The following NAA60 variants were observed in gnomAD, a reference collection of about 807,000 sequenced individuals.
The protein encoded by NAA60 is N-alpha-acetyltransferase 60.
In NAA60, 8 loss-of-function variants were observed where a neutral mutation model predicts 26.1. The observed-to-expected ratio is 0.31, with a 90% CI of 0.18 to 0.55. NAA60 has a LOEUF of 0.55. Ranked by LOEUF, NAA60 falls within the 20% of genes least tolerant of loss-of-function variation. NAA60 has a pLI of 0.93. For missense variants in NAA60, 290 were observed against 311.3 expected, an observed-to-expected ratio of 0.93 and a Z score of 0.51; for synonymous variants, 131 against 122.5, an observed-to-expected ratio of 1.07 and a Z score of -0.46.
intron 1 of NAA60, chr16:3,447,639 C>T (rs964909770): frequency 1.6e-5 from 16 of 985,210 alleles, no homozygotes; most frequent in Non-Finnish European, 1.9e-5. Context: ...GATTATCTTT[C>T]TCCCAACTTC....
At chr16:3,457,712 G>C (rs988053005) in intron 2 of NAA60, among the ~76,000 whole-genome samples, 2 of 152,138 alleles carry the variant, frequency 1.3e-5, no homozygotes, top group East Asian at 1.9e-4. Context: ...GGGCCTGTGC[G>C]GGGGGGCCAC....
intron 2 of NAA60, chr16:3,448,937 G>A (rs2034661786): frequency 6.1e-6 from 1 of 164,696 alleles, no homozygotes; most frequent in African/African-American, 2.4e-5. Context: ...CCACGTGGTG[G>A]TCATCCTGTG....
intron 2 of NAA60, among the ~76,000 whole-genome samples, chr16:3,471,812 G>A (rs752123133): frequency 1.6e-4 from 25 of 152,316 alleles, no homozygotes; most frequent in Non-Finnish European, 2.8e-4. Flanking sequence ...GGGTGGCCAG[G>A]TGGGCAGCCT....
At chr16:3,472,691 C>G (rs1011227001) in intron 2 of NAA60, among the ~76,000 whole-genome samples, 7 of 152,188 alleles carry the variant, frequency 4.6e-5, no homozygotes, top group Non-Finnish European at 8.8e-5. Context: ...CCTTGGCCTC[C>G]CAAAGTGCTG....
intron 2 of NAA60, among the ~76,000 whole-genome samples, chr16:3,451,483 C>G (rs1457036208): frequency 6.6e-6 from 1 of 152,000 alleles, no homozygotes; most frequent in Admixed American, 6.6e-5. Flanking sequence ...AAACCAAAAC[C>G]AAAATATGTT....
chr16:3,446,306 C>A (rs1471834936), intron 1 of NAA60, among the ~76,000 whole-genome samples: 2 of 152,032 alleles, frequency 1.3e-5, no homozygotes, highest in Non-Finnish European at 2.9e-5. Flanking sequence ...CTGAGGTGGG[C>A]AGATCACAAG....
intron 2 of NAA60, among the ~76,000 whole-genome samples, chr16:3,463,804 G>A (rs537667465): frequency 9.9e-5 from 15 of 152,200 alleles, no homozygotes; most frequent in Admixed American, 6.5e-4. Flanking sequence ...CCTAAAGTTC[G>A]AGACCAGCTT....
At chr16:3,485,315 G>T in intron 7 of NAA60, 152 bp from the exon 8 acceptor site, 1 of 517,762 alleles carries the variant, frequency 1.9e-6, no homozygotes, top group South Asian at 1.5e-5. Context: ...ACCGAGAGGC[G>T]CCTAGTGGCT....
At chr16:3,467,306 C>G (rs1285539973) in intron 2 of NAA60, among the ~76,000 whole-genome samples, 5 of 151,258 alleles carry the variant, frequency 3.3e-5, no homozygotes, top group Admixed American at 6.6e-5. Flanking sequence ...CAGGTAGGGA[C>G]TGGCAGGGAG....
At chr16:3,446,347 CGAT>C (rs2150940746) in intron 1 of NAA60, among the ~76,000 whole-genome samples, 1 of 151,952 alleles carries the variant, frequency 6.6e-6, no homozygotes, top group South Asian at 2.1e-4. Flanking sequence ...CTGGCTAACA[CGAT>C]GAAACCCCAT....
At chr16:3,473,379 G>C (rs1360662778) in intron 2 of NAA60, among the ~76,000 whole-genome samples, 2 of 152,156 alleles carry the variant, frequency 1.3e-5, no homozygotes, top group African/African-American at 4.8e-5. Flanking sequence ...ATGGTGGCAG[G>C]CAAGAGAGAA....
intron 2 of NAA60, among the ~76,000 whole-genome samples, chr16:3,470,515 C>T (rs1635394): frequency 0.69 from 105,188 of 152,164 alleles, 38,094 homozygotes; most frequent in African/African-American, 0.9. Context: ...ACCAGCTCCA[C>T]GTCCTTCCCA....
chr16:3,482,428 C>A, intron 4 of NAA60, 74 bp from the exon 5 acceptor site: 1 of 1,274,278 alleles, frequency 7.8e-7, no homozygotes, highest in Non-Finnish European at 1.1e-6. Context: ...GTGCGGAGCC[C>A]GCCTGGGCCG....
At position 3,483,622 on chromosome 16, in the gene NAA60, G is replaced by A. The variant is rs912946447; in HGVS notation, c.572+25G>A. 4 of 1,572,124 alleles carry A rather than the reference G, an allele frequency of 2.5e-6. No individual in the cohort carries two copies. The East Asian group carries it at 6.7e-5, about 26-fold the overall frequency. On this transcript the variant is annotated intron_variant, in intron 6 of 7. Transcript: ENST00000407558. ...TATATCCTTAACTTCTGGGGGAGAG[G>A]GACTGTGGCTTCCTGTCCATAAGGT...
intron 2 of NAA60, among the ~76,000 whole-genome samples, chr16:3,469,628 A>G (rs72481043): frequency 3.6e-4 from 47 of 128,788 alleles, no homozygotes; most frequent in South Asian, 7.1e-4. Flanking sequence ...CTGCCCTGGT[A>G]CCCGTCCTGT....
chr16:3,465,336 A>G (rs2035681970), intron 2 of NAA60, among the ~76,000 whole-genome samples: 1 of 151,732 alleles, frequency 6.6e-6, no homozygotes, highest in African/African-American at 2.4e-5. Flanking sequence ...ACGGGGTCCC[A>G]TCTTGGCAGC....
chr16:3,480,773 G>T (rs1170708333), intron 4 of NAA60, among the ~76,000 whole-genome samples: 5 of 152,110 alleles, frequency 3.3e-5, no homozygotes, highest in African/African-American at 4.8e-5. Flanking sequence ...AGGCATGATG[G>T]CGCTTGCCTT....
At chr16:3,471,840 C>T (rs2036167885) in intron 2 of NAA60, among the ~76,000 whole-genome samples, 2 of 152,204 alleles carry the variant, frequency 1.3e-5, no homozygotes, top group Non-Finnish European at 1.5e-5. Flanking sequence ...GTGCTGGTTC[C>T]TGTAGCAAGG....
At chr16:3,463,374 C>G (rs1471468331) in intron 2 of NAA60, among the ~76,000 whole-genome samples, 1 of 149,636 alleles carries the variant, frequency 6.7e-6, no homozygotes, top group Non-Finnish European at 1.5e-5. Context: ...ATGGTGAAAC[C>G]CCGTCTCTAC....
Sources: allele counts gnomAD v4.1 joint callset (sites outside exome capture counted in the v4.1 genomes callset), GRCh38; gene constraint gnomAD v4.1.1; transcripts MANE v1.5; gene names NCBI Gene and HGNC (gene_info 2026-07-23, HGNC 2026-07-21).